The following SNX6 variants were observed in gnomAD, a reference collection of about 807,000 sequenced individuals.
SNX6 encodes sorting nexin-6.
SNX6 carries 34 observed loss-of-function variants against 63.0 expected under a neutral mutation model. The observed-to-expected ratio is 0.54, with a 90% CI of 0.41 to 0.72. SNX6 has a LOEUF of 0.72. SNX6 is among the 30% of genes least tolerant of loss of function. The pLI is 0.00. For missense variants in SNX6, 398 were observed against 471.4 expected (o/e 0.84, Z 1.44); for synonymous variants, 170 against 164.2 (o/e 1.04, Z -0.27).
chr14:34,609,224 G>A (rs1883129540), intron 3 of SNX6, among the ~76,000 whole-genome samples: 1 of 151,872 alleles, frequency 6.6e-6, no homozygotes, highest in Non-Finnish European at 1.5e-5. Context: ...GGTGGCTCAC[G>A]CCTGTAATCC....
chr14:34,575,245 C>G, intron 11 of SNX6, among the ~76,000 whole-genome samples: 1 of 145,484 alleles, frequency 6.9e-6, no homozygotes. Flanking sequence ...GTTGCCCAGG[C>G]TGGAGTGCAA....
intron 11 of SNX6, chr14:34,568,986 G>A: frequency 6.9e-7 from 1 of 1,454,052 alleles, no homozygotes; most frequent in Non-Finnish European, 9.6e-7. Flanking sequence ...TCTCATCGTA[G>A]GGAGCAAGCT....
intron 2 of SNX6, among the ~76,000 whole-genome samples, chr14:34,621,936 C>T (rs778308408): frequency 6.8e-6 from 1 of 146,120 alleles, no homozygotes; most frequent in African/African-American, 2.5e-5. Context: ...GTTTTTTCAC[C>T]TGGGCATGTC....
chr14:34,617,174 G>C (rs1206601994), intron 2 of SNX6, among the ~76,000 whole-genome samples: 1 of 152,056 alleles, frequency 6.6e-6, no homozygotes, highest in South Asian at 2.1e-4. Flanking sequence ...TCTTTTTCTG[G>C]AACAATACAC....
chr14:34,617,963 T>C (rs1220202257), intron 2 of SNX6, among the ~76,000 whole-genome samples: 1 of 151,988 alleles, frequency 6.6e-6, no homozygotes, highest in Non-Finnish European at 1.5e-5. Context: ...TACTAGTTAC[T>C]ATACTGACTA....
intron 5 of SNX6, chr14:34,604,212 G>A: frequency 7.8e-7 from 1 of 1,288,868 alleles, no homozygotes; most frequent in Non-Finnish European, 1.0e-6. Context: ...AAAAAAGAAG[G>A]ATGCAGAGGA....
At chr14:34,630,054 CCCGCG>C in intron 1 of SNX6, 52 bp downstream of exon 1, 1 of 1,457,860 alleles carries the variant, frequency 6.9e-7, no homozygotes, top group Non-Finnish European at 9.0e-7. Context: ...CCGCGCCCGC[CCCGCG>C]CCCGCTGCCC....
chr14:34,602,590 CAAA>C lies in SNX6; in HGVS notation c.516+755_516+757del, dbSNP rs200915421. On this transcript the variant is annotated intron_variant, in intron 6 of 13. Coordinates refer to ENST00000362031, the MANE Select transcript of SNX6 (RefSeq NM_152233.4). ...TGGACGACAGAGCAAGACTCTGTCT[CAAA>C]AAAAAAAAAAAAAAGAAAAATACAA... 2.3e-3 allele frequency among the ~76,000 whole-genome samples: 266 copies of C among 116,100 alleles called. 1 individual carries two copies. Among genetic ancestry groups the C allele is most frequent in the African/African-American group, 5.0e-3 (155 of 31,062 alleles). The allele number at this position is 116,100 out of a possible 152,430, so 76.2% of individuals were successfully genotyped here.
intron 2 of SNX6, among the ~76,000 whole-genome samples, chr14:34,617,499 G>A (rs1173704856): frequency 6.6e-6 from 1 of 151,078 alleles, no homozygotes; most frequent in African/African-American, 2.4e-5. Context: ...AATTAGCTGG[G>A]TGTAATGGTG....
At position 34,567,204 on chromosome 14, in the gene SNX6, T is replaced by G. The variant is rs907743235; in HGVS notation, c.1167+482A>C. On this transcript the variant is annotated intron_variant, in intron 13 of 13. Transcript: ENST00000362031. ...AAAACAAAACAAAAAAGCCCCAGAC[T>G]AGCCGGGTACGGTGGCTCGTGTCTG... 6.0e-5 allele frequency among the ~76,000 whole-genome samples: 9 copies of G among 150,050 alleles called. No individual in the cohort carries two copies. In the East Asian group the frequency reaches 1.8e-3, roughly 30 times the overall value.
intron 4 of SNX6, 94 bp from the exon 5 acceptor site, chr14:34,605,811 A>T (rs1882994097): frequency 1.4e-6 from 2 of 1,450,430 alleles, no homozygotes; most frequent in African/African-American, 2.9e-5. Flanking sequence ...TGGGAAAGCT[A>T]AGGGGATCCA....
intron 8 of SNX6, among the ~76,000 whole-genome samples, chr14:34,588,007 CTT>C (rs1159746973): frequency 7.3e-6 from 1 of 137,554 alleles, no homozygotes; most frequent in Non-Finnish European, 1.6e-5. Flanking sequence ...GATGGGGTTT[CTT>C]TTTTTTTTTT....
At chr14:34,620,616 AC>A (rs1883585954) in intron 2 of SNX6, among the ~76,000 whole-genome samples, 1 of 151,508 alleles carries the variant, frequency 6.6e-6, no homozygotes, top group African/African-American at 2.4e-5. Context: ...AACTATCTCA[AC>A]CTTTAAAACA....
intron 7 of SNX6, among the ~76,000 whole-genome samples, chr14:34,596,447 C>T (rs1392322708): frequency 2.0e-5 from 3 of 151,002 alleles, no homozygotes; most frequent in African/African-American, 4.9e-5. Flanking sequence ...GGTGAAACCC[C>T]GTTTCTACTA....
intron 11 of SNX6, among the ~76,000 whole-genome samples, chr14:34,569,522 G>A (rs1295774768): frequency 6.6e-6 from 1 of 152,018 alleles, no homozygotes; most frequent in Non-Finnish European, 1.5e-5. Context: ...CCACCTCCCG[G>A]TTCAAGTGAT....
At chr14:34,625,176 A>G (rs1883780368) in intron 2 of SNX6, among the ~76,000 whole-genome samples, 1 of 151,978 alleles carries the variant, frequency 6.6e-6, no homozygotes, top group African/African-American at 2.4e-5. Flanking sequence ...CTGCCTCCCA[A>G]AGTGTTGGGA....
intron 2 of SNX6, among the ~76,000 whole-genome samples, chr14:34,620,751 G>C (rs1883591259): frequency 6.6e-6 from 1 of 152,008 alleles, no homozygotes; most frequent in African/African-American, 2.4e-5. Context: ...GACCAGCCTG[G>C]GCAACATAGC....
intron 13 of SNX6, among the ~76,000 whole-genome samples, chr14:34,563,765 G>GT (rs1317545341): frequency 6.6e-6 from 1 of 150,718 alleles, no homozygotes; most frequent in Admixed American, 6.6e-5. Context: ...CTGAGATGGA[G>GT]TATCACTCTG....
intron 11 of SNX6, 43 bp downstream of exon 11, chr14:34,575,713 G>T: frequency 9.5e-7 from 1 of 1,051,332 alleles, no homozygotes; most frequent in Non-Finnish European, 1.4e-6. Flanking sequence ...CTCAAGAAAT[G>T]GCTGTTTGTA....
Sources: allele counts gnomAD v4.1 joint callset (sites outside exome capture counted in the v4.1 genomes callset), GRCh38; gene constraint gnomAD v4.1.1; transcripts MANE v1.5; gene names NCBI Gene and HGNC (gene_info 2026-07-23, HGNC 2026-07-21).